FYN: variants seen among roughly 807,000 people sequenced by gnomAD.
The protein encoded by FYN is FYN proto-oncogene, Src family tyrosine kinase, also known as tyrosine-protein kinase Fyn.
In FYN, 10 loss-of-function variants were observed where a neutral mutation model predicts 70.2. The ratio of observed to expected loss-of-function variants is 0.14; its 90% CI spans 0.09 to 0.24. The LOEUF (loss-of-function observed/expected upper bound fraction) is 0.24, where lower values mean the gene tolerates loss of function less well. Among genes scored for constraint, FYN ranks in the 10% least tolerant of loss-of-function variants. The pLI, the probability that FYN is intolerant of heterozygous loss-of-function variation, is 1.00. For synonymous variants in FYN, 236 were observed against 248.6 expected, an observed-to-expected ratio of 0.95 and a Z score of 0.48; for missense variants, 319 against 673.1, an observed-to-expected ratio of 0.47 and a Z score of 5.82.
chr6:111,713,433 TAGA>T (rs1399679897), intron 5 of FYN, among the ~76,000 whole-genome samples: 1 of 152,148 alleles, frequency 6.6e-6, no homozygotes, highest in Non-Finnish European at 1.5e-5. Flanking sequence ...CTTGGTGGCA[TAGA>T]AGAACTTCCT....
intron 13 of FYN, among the ~76,000 whole-genome samples, chr6:111,667,936 G>C (rs1798083028): frequency 1.3e-5 from 2 of 152,182 alleles, no homozygotes; most frequent in African/African-American, 4.8e-5. Context: ...TTTAACAATG[G>C]GAATGATGTT....
chr6:111,702,643 T>C (rs1799894230), intron 8 of FYN: 2 of 375,630 alleles, frequency 5.3e-6, no homozygotes, highest in Non-Finnish European at 4.7e-6. Context: ...TATTGCTTTC[T>C]ACTTGGGAAA....
intron 3 of FYN, among the ~76,000 whole-genome samples, chr6:111,752,490 C>T (rs142543223): frequency 6.6e-6 from 1 of 152,204 alleles, no homozygotes; most frequent in African/African-American, 2.4e-5. Context: ...TGAGGAGAGA[C>T]ATTTTGTTGT....
intron 2 of FYN, among the ~76,000 whole-genome samples, chr6:111,833,206 G>A (rs1247027492): frequency 6.6e-6 from 1 of 152,244 alleles, no homozygotes; most frequent in African/African-American, 2.4e-5. Flanking sequence ...TCAAGTGAAT[G>A]AGCAACCACA....
intron 2 of FYN, among the ~76,000 whole-genome samples, chr6:111,837,576 G>C (rs1276420718): frequency 6.6e-6 from 1 of 152,202 alleles, no homozygotes; most frequent in Non-Finnish European, 1.5e-5. Context: ...ACTGACCAAA[G>C]AAAGGGGGTA....
chr6:111,793,111 C>CA (rs1289916927), intron 2 of FYN, among the ~76,000 whole-genome samples: 1 of 151,902 alleles, frequency 6.6e-6, no homozygotes, highest in Non-Finnish European at 1.5e-5. Context: ...GTATCGAAAG[C>CA]AAAAAAGCAC....
intron 13 of FYN, among the ~76,000 whole-genome samples, chr6:111,663,176 T>C (rs755746863): frequency 2.6e-5 from 4 of 152,244 alleles, no homozygotes; most frequent in Non-Finnish European, 5.9e-5. Flanking sequence ...CCGGTGAGGC[T>C]GTCATCTGGA....
intron 1 of FYN, among the ~76,000 whole-genome samples, chr6:111,854,336 C>T (rs566547240): frequency 8.5e-5 from 13 of 152,286 alleles, no homozygotes; most frequent in Middle Eastern, 6.8e-3. Flanking sequence ...AAGGACAACA[C>T]GCAGTATGCT....
intron 3 of FYN, among the ~76,000 whole-genome samples, chr6:111,773,625 A>AGGGGG (rs1562515469): frequency 2.6e-5 from 1 of 38,818 alleles, no homozygotes; most frequent in Non-Finnish European, 4.6e-5. Context: ...AGAGAGGGGG[A>AGGGGG]AAGGAGAGGG....
chr6:111,717,293 A>C (rs1800693536), intron 4 of FYN, among the ~76,000 whole-genome samples: 1 of 148,806 alleles, frequency 6.7e-6, no homozygotes, highest in African/African-American at 2.5e-5. Context: ...TCTGAAATTG[A>C]AAAAAAAAAG....
chr6:111,732,239 A>G (rs180884884), intron 3 of FYN, among the ~76,000 whole-genome samples: 1 of 152,354 alleles, frequency 6.6e-6, no homozygotes, highest in Admixed American at 6.5e-5. Context: ...TGGTGAAGCA[A>G]TTTAATAGTG....
intron 2 of FYN, among the ~76,000 whole-genome samples, chr6:111,796,236 G>A (rs1433859105): frequency 6.6e-6 from 1 of 152,180 alleles, no homozygotes; most frequent in Non-Finnish European, 1.5e-5. Flanking sequence ...TCTAAGTACA[G>A]CCATGTGCCA....
At chr6:111,848,314 G>A (rs142698262) in intron 1 of FYN, among the ~76,000 whole-genome samples, 2,281 of 152,258 alleles carry the variant, frequency 0.015, 28 homozygotes, top group Middle Eastern at 0.027. Context: ...CCAAAGTAGG[G>A]AAGAAACTTT....
intron 2 of FYN, among the ~76,000 whole-genome samples, chr6:111,833,455 T>G (rs758563191): frequency 2.1e-4 from 32 of 152,226 alleles, no homozygotes; most frequent in Non-Finnish European, 2.6e-4. Context: ...ATTTACATGC[T>G]TGGCAGCATT....
At chr6:111,809,081 G>GT (rs1772242958) in intron 2 of FYN, among the ~76,000 whole-genome samples, 2 of 152,080 alleles carry the variant, frequency 1.3e-5, no homozygotes, top group African/African-American at 4.8e-5. Context: ...TTTTTAAAAT[G>GT]GAAAGATACT....
intron 9 of FYN, chr6:111,699,884 G>A (rs1178200766): frequency 3.4e-6 from 2 of 590,620 alleles, no homozygotes; most frequent in South Asian, 2.8e-5. Flanking sequence ...TACAACTTGA[G>A]CCATTTGCCA....
chr6:111,812,637 A>C (rs915293543), intron 2 of FYN, among the ~76,000 whole-genome samples: 1 of 60,718 alleles, frequency 1.6e-5, no homozygotes, highest in Non-Finnish European at 3.5e-5. Context: ...TTTTTAAGGG[A>C]GGGAGGTTGG....
intron 9 of FYN, among the ~76,000 whole-genome samples, chr6:111,698,344 G>C (rs1799671307): frequency 6.6e-6 from 1 of 152,052 alleles, no homozygotes; most frequent in South Asian, 2.1e-4. Flanking sequence ...TGCTGGTCAG[G>C]CTGGTCTCAA....
At chr6:111,787,673 C>T (rs1157865212) in intron 2 of FYN, among the ~76,000 whole-genome samples, 2 of 152,186 alleles carry the variant, frequency 1.3e-5, no homozygotes, top group Admixed American at 6.5e-5. Context: ...ATGGGTCTCA[C>T]GCATATGCCA....
Sources: allele counts gnomAD v4.1 joint callset (sites outside exome capture counted in the v4.1 genomes callset), GRCh38; gene constraint gnomAD v4.1.1; transcripts MANE v1.5; gene names NCBI Gene and HGNC (gene_info 2026-07-23, HGNC 2026-07-21).